The following KAZN variants were observed in gnomAD, a reference collection of about 807,000 sequenced individuals.
KAZN encodes the protein kazrin.
A neutral mutation model predicts 87.4 loss-of-function variants in KAZN; 40 were observed. The ratio of observed to expected loss-of-function variants is 0.46; its 90% confidence interval spans 0.36 to 0.60. The LOEUF (loss-of-function observed/expected upper bound fraction) is 0.60, where lower values mean the gene tolerates loss of function less well. Among genes scored for constraint, KAZN ranks in the 20% least tolerant of loss-of-function variants. The pLI is 0.00. For synonymous variants in KAZN, 466 were observed against 458.3 expected (o/e 1.02, Z -0.22); for missense variants, 898 against 1,073.9 (o/e 0.84, Z 2.29).
At chr1:14,115,220 C>A (rs963059373) in intron 1 of KAZN, among the ~76,000 whole-genome samples, 18 of 152,334 alleles carry the variant, frequency 1.2e-4, no homozygotes, top group African/African-American at 3.8e-4. Context: ...CAGAGAGATA[C>A]AACAATGTCT....
intron 1 of KAZN, among the ~76,000 whole-genome samples, chr1:14,160,463 A>AG (rs1465721237): frequency 6.6e-6 from 1 of 152,164 alleles, no homozygotes; most frequent in Non-Finnish European, 1.5e-5. Flanking sequence ...GGCTGGAAGG[A>AG]GGGGGCTTGG....
chr1:13,916,821 C>T (rs1639869406), intron 1 of KAZN, among the ~76,000 whole-genome samples: 3 of 151,884 alleles, frequency 2.0e-5, no homozygotes, highest in Non-Finnish European at 4.4e-5. Flanking sequence ...GGCAATGTGG[C>T]CTTGCTGGGG....
At chr1:13,943,999 A>G (rs1641039088) in intron 1 of KAZN, among the ~76,000 whole-genome samples, 1 of 142,940 alleles carries the variant, frequency 7.0e-6, no homozygotes, top group Admixed American at 6.9e-5. Flanking sequence ...AGGTAAAACT[A>G]TCATAGCAAT....
rs142576993 is a variant in KAZN, at chr1:13,995,094, A to G, written c.91+101338A>G. Among the ~76,000 whole-genome samples the G allele has an allele frequency of 3.4e-3, 522 of 152,288 alleles. 3 individuals carry two copies. The highest frequency in any genetic ancestry group is 0.012 in the African/African-American group (508 of 41,566). ...TTCCGTTAATCCAACAAAGATCTAC[A>G]AAAAGCTTACAGCAAATGTCATACT... On this transcript the variant is annotated intron_variant, in intron 1 of 16. Coordinates refer to the KAZN transcript ENST00000636203.
At chr1:14,841,846 T>A (rs1347468646) in intron 1 of KAZN, among the ~76,000 whole-genome samples, 1 of 152,340 alleles carries the variant, frequency 6.6e-6, no homozygotes, top group African/African-American at 2.4e-5. Flanking sequence ...TCTCATTTCA[T>A]CTTTTCTACT....
At chr1:15,032,466 A>G (rs1027944876) in intron 2 of KAZN, among the ~76,000 whole-genome samples, 4 of 151,730 alleles carry the variant, frequency 2.6e-5, no homozygotes, top group Admixed American at 2.6e-4. Flanking sequence ...TGCTGGAATT[A>G]CAGGCATGAG....
chr1:15,047,038 G>A (rs899516600), intron 4 of KAZN, among the ~76,000 whole-genome samples: 3 of 152,296 alleles, frequency 2.0e-5, no homozygotes, highest in African/African-American at 4.8e-5. Flanking sequence ...TTTCCGCTCT[G>A]GCCAAGAAAA....
At chr1:15,095,275 GT>G (rs1241346699) in intron 10 of KAZN, among the ~76,000 whole-genome samples, 4 of 152,164 alleles carry the variant, frequency 2.6e-5, no homozygotes, top group Non-Finnish European at 5.9e-5. Context: ...GGCCGCCATG[GT>G]GTCTGCTCCT....
At chr1:15,028,519 G>T (rs1168516913) in intron 2 of KAZN, among the ~76,000 whole-genome samples, 1 of 152,080 alleles carries the variant, frequency 6.6e-6, no homozygotes, top group Non-Finnish European at 1.5e-5. Context: ...AAGAAAGGAA[G>T]AGTTCCATTG....
chr1:15,060,395 C>T (rs1573222046), intron 6 of KAZN, 93 bp downstream of exon 6: 2 of 1,516,332 alleles, frequency 1.3e-6, no homozygotes, highest in Non-Finnish European at 1.8e-6. Flanking sequence ...TCGCTGTTTC[C>T]TCTCGTCCAC....
intron 1 of KAZN, among the ~76,000 whole-genome samples, chr1:14,650,608 A>G (rs1008723322): frequency 1.3e-4 from 20 of 152,216 alleles, no homozygotes; most frequent in African/African-American, 4.3e-4. Flanking sequence ...GGGTTTTCTG[A>G]TACTGTATAT....
chr1:14,618,479 C>G (rs1365962578), intron 1 of KAZN, among the ~76,000 whole-genome samples: 1 of 152,214 alleles, frequency 6.6e-6, no homozygotes, highest in Non-Finnish European at 1.5e-5. Context: ...AGGGAGAAGA[C>G]AATGGCAATG....
chr1:14,044,991 G>A (rs1002996746), intron 1 of KAZN, among the ~76,000 whole-genome samples: 17 of 152,094 alleles, frequency 1.1e-4, no homozygotes, highest in Non-Finnish European at 2.1e-4. Context: ...ACTATGCTAT[G>A]AGAACCCTGA....
chr1:14,333,831 G>A (rs1657023433), intron 2 of KAZN, among the ~76,000 whole-genome samples: 1 of 152,082 alleles, frequency 6.6e-6, no homozygotes, highest in Admixed American at 6.6e-5. Flanking sequence ...GGTGTCTGGG[G>A]GAAGTTTTCC....
At chr1:14,188,326 G>A (rs1646354854) in intron 2 of KAZN, among the ~76,000 whole-genome samples, 1 of 151,600 alleles carries the variant, frequency 6.6e-6, no homozygotes, top group Non-Finnish European at 1.5e-5. Context: ...ATTGGAAATA[G>A]CTCCCCTGAG....
intron 2 of KAZN, among the ~76,000 whole-genome samples, chr1:14,587,598 G>C (rs999909916): frequency 6.6e-6 from 1 of 151,940 alleles, no homozygotes; most frequent in African/African-American, 2.4e-5. Context: ...GCAGGAGTGA[G>C]AGTGGGGGGC....
intron 1 of KAZN, among the ~76,000 whole-genome samples, chr1:14,634,302 C>G (rs1240346917): frequency 1.3e-5 from 2 of 152,154 alleles, no homozygotes; most frequent in Non-Finnish European, 2.9e-5. Context: ...TTTTATCAAG[C>G]CTGGCCAATA....
intron 2 of KAZN, among the ~76,000 whole-genome samples, chr1:14,568,744 G>A (rs752827255): frequency 6.6e-6 from 1 of 152,206 alleles, no homozygotes; most frequent in Non-Finnish European, 1.5e-5. Context: ...CAGCTGAGCT[G>A]TACCCAGGCT....
intron 1 of KAZN, among the ~76,000 whole-genome samples, chr1:14,675,571 C>G (rs1640168838): frequency 6.6e-6 from 1 of 152,200 alleles, no homozygotes; most frequent in Non-Finnish European, 1.5e-5. Context: ...CCTCTCCCCA[C>G]TCCAATCTAC....
Sources: gnomAD v4.1 joint callset for allele counts (sites outside exome capture counted in the v4.1 genomes callset) on GRCh38, gnomAD v4.1.1 for gene constraint, MANE v1.5 for transcripts, NCBI Gene and HGNC (gene_info 2026-07-23, HGNC 2026-07-21) for gene names.